The following LRP12 variants were observed in gnomAD, a reference collection of about 807,000 sequenced individuals.
LRP12 encodes the protein LDL receptor related protein 12, also known as low-density lipoprotein receptor-related protein 12.
In LRP12, 14 loss-of-function variants were observed where a neutral mutation model predicts 66.0. The observed-to-expected ratio is 0.21, with a 90% confidence interval of 0.14 to 0.33. The LOEUF (loss-of-function observed/expected upper bound fraction) is 0.33, where lower values mean the gene tolerates loss of function less well. LRP12 is among the 10% of genes least tolerant of loss of function. LRP12 has a pLI of 1.00. For synonymous variants in LRP12, 357 were observed against 359.1 expected (o/e 0.99, Z 0.07); for missense variants, 889 against 1,053.4 (o/e 0.84, Z 2.16).
rs1384967920 is a variant in LRP12 at position 104,526,634 on chromosome 8, G to A, written c.136+5273C>T. 1.9e-4 allele frequency among the ~76,000 whole-genome samples: 27 copies of A among 142,372 alleles called. 1 individual carries two copies. The highest frequency in any genetic ancestry group is 2.6e-4 in the Non-Finnish European group (17 of 65,548). The allele number at this position is 142,372 out of a possible 152,430, so 93.4% of individuals were successfully genotyped here. A position where few individuals can be genotyped will look rare whatever the true frequency, so the allele number is the denominator to read the frequency against. On this transcript the variant is annotated intron_variant, in intron 2 of 6. Coordinates refer to ENST00000276654, the MANE Select transcript of LRP12 (RefSeq NM_013437.5). ...TGGGAAAACTGGCTAGCCATATGTA[G>A]AAAGCTGAAACTGGATCCCTTCCTT... is the stretch of plus-strand genomic sequence containing the variant.
chr8:104,548,194 A>ATATATT (rs561640568), intron 1 of LRP12, among the ~76,000 whole-genome samples: 1 of 79,648 alleles, frequency 1.3e-5, no homozygotes, highest in South Asian at 3.4e-4. Context: ...ATATATATAT[A>ATATATT]AATATATGAT....
chr8:104,530,695 CTAAAT>C (rs1241823485), intron 2 of LRP12, among the ~76,000 whole-genome samples: 3 of 152,002 alleles, frequency 2.0e-5, no homozygotes, highest in African/African-American at 7.3e-5. Context: ...TTGAAAACTA[CTAAAT>C]TAAACAGTAA....
chr8:104,566,979 A>T (rs182329908), intron 1 of LRP12, among the ~76,000 whole-genome samples: 2 of 152,026 alleles, frequency 1.3e-5, no homozygotes, highest in African/African-American at 4.8e-5. Flanking sequence ...ACTGATTACA[A>T]AATCCGTAAT....
intron 1 of LRP12, among the ~76,000 whole-genome samples, chr8:104,588,265 C>G (rs894844936): frequency 9.9e-5 from 15 of 152,080 alleles, no homozygotes; most frequent in Non-Finnish European, 2.2e-4. Context: ...CCCTGCACGC[C>G]CGGATTCGGC....
chr8:104,574,456 A>G (rs946317355), intron 1 of LRP12, among the ~76,000 whole-genome samples: 1 of 152,198 alleles, frequency 6.6e-6, no homozygotes, highest in Non-Finnish European at 1.5e-5. Flanking sequence ...TGATGGCCAT[A>G]GGGTTGTTTC....
intron 6 of LRP12, among the ~76,000 whole-genome samples, chr8:104,492,889 T>C (rs1451725858): frequency 6.6e-6 from 1 of 152,178 alleles, no homozygotes; most frequent in Non-Finnish European, 1.5e-5. Context: ...ACATTTATAA[T>C]GAACTTCTCC....
intron 2 of LRP12, among the ~76,000 whole-genome samples, chr8:104,529,360 T>C (rs1245631211): frequency 1.3e-5 from 2 of 152,130 alleles, no homozygotes; most frequent in Admixed American, 1.3e-4. Context: ...TTGTTTAAGT[T>C]ACCTAGAACG....
At chr8:104,539,462 A>G (rs1033162596) in intron 1 of LRP12, among the ~76,000 whole-genome samples, 5 of 151,926 alleles carry the variant, frequency 3.3e-5, no homozygotes, top group Non-Finnish European at 7.4e-5. Context: ...TATTTTCACA[A>G]ATATTTGAAA....
At chr8:104,549,400 CTTTTTT>C (rs66644217) in intron 1 of LRP12, among the ~76,000 whole-genome samples, 1 of 116,704 alleles carries the variant, frequency 8.6e-6, no homozygotes, top group African/African-American at 3.3e-5. Context: ...TCTGAATCCA[CTTTTTT>C]TTTTTTTTTT....
In LRP12 at chr8:104,582,444, C is replaced by T. The variant is rs552872182; in HGVS notation, c.79+6375G>A. On this transcript the variant is annotated intron_variant, in intron 1 of 6. Coordinates refer to ENST00000276654, the MANE Select transcript of LRP12 (RefSeq NM_013437.5). ...TCTGAAATTCACCAATCTTTTAATACATTCTTGCCTCTACCAAAGACAATC... is the reference window on the plus strand; with the variant it reads ...TCTGAAATTCACCAATCTTTTAATATATTCTTGCCTCTACCAAAGACAATC... Among the ~76,000 whole-genome samples the T allele has an allele frequency of 2.6e-5, 4 of 151,926 alleles. 1 individual carries two copies. Among genetic ancestry groups the T allele is most frequent in the African/African-American group, 9.6e-5 (4 of 41,462 alleles).
chr8:104,540,632 T>C (rs369216842), intron 1 of LRP12, among the ~76,000 whole-genome samples: 1 of 152,322 alleles, frequency 6.6e-6, no homozygotes, highest in East Asian at 1.9e-4. Flanking sequence ...ATTATGTATT[T>C]ATATGAACTA....
intron 1 of LRP12, among the ~76,000 whole-genome samples, chr8:104,564,095 A>T (rs779407986): frequency 1.3e-5 from 2 of 151,806 alleles, no homozygotes; most frequent in Non-Finnish European, 2.9e-5. Context: ...CTACTTCAAA[A>T]TATTTCTACT....
chr8:104,571,578 T>C lies in LRP12; in HGVS notation c.79+17241A>G, dbSNP rs148583849. The stretch of plus-strand genomic sequence containing the variant: ...TCACCTTGTGAAGAAGGTGCCTTAC[T>C]TCCCTTTCACCTTCCACCATAAGTT... On this transcript the variant is annotated intron_variant, in intron 1 of 6. Transcript: ENST00000276654. 2.3e-3 allele frequency among the ~76,000 whole-genome samples: 356 copies of C among 152,260 alleles called. 2 individuals carry two copies. Among genetic ancestry groups the C allele is most frequent in the African/African-American group, 8.1e-3 (337 of 41,558 alleles).
At chr8:104,496,473 G>GT (rs755691006) in intron 5 of LRP12, among the ~76,000 whole-genome samples, 29 of 151,942 alleles carry the variant, frequency 1.9e-4, no homozygotes, top group Non-Finnish European at 3.4e-4. Context: ...ATTAGATTAC[G>GT]TATTTTTGAC....
Position 104,490,638 on chromosome 8 carries a change from C to A in LRP12, c.*35G>T, listed in dbSNP as rs2140824262. On this transcript the variant is annotated 3_prime_UTR_variant, in exon 7 of 7. Transcript: ENST00000276654. ...ACAAAATAATAAATGGATATTGCTC[C>A]AACTTGTATACAATCTCCCTTATGT... 6.5e-7 allele frequency: 1 copy of A among 1,538,204 alleles called. No individual in the cohort carries two copies. The highest frequency in any genetic ancestry group is 1.3e-5 in the South Asian group (1 of 77,688).
chr8:104,583,668 A>C (rs553127682), intron 1 of LRP12, among the ~76,000 whole-genome samples: 1 of 152,170 alleles, frequency 6.6e-6, no homozygotes, highest in Non-Finnish European at 1.5e-5. Context: ...AACTAAGTGA[A>C]GAGACAGCCA....
At chr8:104,523,699 G>T (rs1811184270) in intron 2 of LRP12, among the ~76,000 whole-genome samples, 1 of 152,106 alleles carries the variant, frequency 6.6e-6, no homozygotes, top group Non-Finnish European at 1.5e-5. Flanking sequence ...CATACAAAGT[G>T]CCACTAGTGA....
chr8:104,536,110 CA>C (rs991700430), intron 1 of LRP12, among the ~76,000 whole-genome samples: 3 of 151,978 alleles, frequency 2.0e-5, no homozygotes, highest in African/African-American at 7.2e-5. Flanking sequence ...GGGAAAAGTT[CA>C]TAATCCTAAT....
intron 1 of LRP12, among the ~76,000 whole-genome samples, chr8:104,563,974 T>C (rs887181358): frequency 6.6e-6 from 1 of 152,224 alleles, no homozygotes; most frequent in African/African-American, 2.4e-5. Context: ...TAGTAACTAC[T>C]ATGTAACTGT....
Sources: allele counts gnomAD v4.1 joint callset (sites outside exome capture counted in the v4.1 genomes callset), GRCh38; gene constraint gnomAD v4.1.1; transcripts MANE v1.5; gene names NCBI Gene and HGNC (gene_info 2026-07-23, HGNC 2026-07-21).